A2M: variants seen among roughly 807,000 people sequenced by gnomAD.
The protein encoded by A2M is alpha-2-macroglobulin.
Under a neutral mutation model 183.9 loss-of-function variants are expected in A2M, and 128 were observed. The ratio of observed to expected loss-of-function variants is 0.70; its 90% CI spans 0.60 to 0.81. The LOEUF (loss-of-function observed/expected upper bound fraction) is 0.81. Ranked by LOEUF, A2M falls within the 30% of genes least tolerant of loss-of-function variation. A2M has a pLI of 0.00. For synonymous variants in A2M, 592 were observed against 670.8 expected (o/e 0.88, Z 1.81); for missense variants, 1,495 against 1,787.6 (o/e 0.84, Z 2.95).
Position 9,067,758 on chromosome 12 carries a change from A to G in A2M, c.*65T>C, listed in dbSNP as rs1366277006. Reference sequence around the variant, plus strand: ...TCATCAAGTCTTTAAAGATACAAAAACACGTGTCTTCTGTGGAGCTCTGAG... The same window carrying G: ...TCATCAAGTCTTTAAAGATACAAAAGCACGTGTCTTCTGTGGAGCTCTGAG... On this transcript the variant is annotated 3_prime_UTR_variant, in exon 36 of 36. Coordinates refer to ENST00000318602, the MANE Select transcript of A2M (RefSeq NM_000014.6). 6.7e-7 allele frequency: 1 copy of G among 1,500,628 alleles called. No individual in the cohort carries two copies. The highest frequency in any genetic ancestry group is 1.2e-5 in the South Asian group (1 of 86,586). The allele number at this position is 1,500,628 out of a possible 1,614,324, so 93.0% of individuals were successfully genotyped here.
At chr12:9,068,991 C>A in intron 33 of A2M, 149 bp from the exon 34 acceptor site, 1 of 533,106 alleles carries the variant, frequency 1.9e-6, no homozygotes, top group Non-Finnish European at 3.3e-6. Context: ...AGAAATCTCT[C>A]AGAGGGGATG....
chr12:9,074,505 A>G, intron 29 of A2M, 55 bp downstream of exon 29: 1 of 1,497,622 alleles, frequency 6.7e-7, no homozygotes, highest in Non-Finnish European at 9.1e-7. Flanking sequence ...TTTCTTTTTC[A>G]TTCAAATCTT....
intron 28 of A2M, 79 bp downstream of exon 28, chr12:9,076,677 G>A (rs1410178829): frequency 1.2e-5 from 16 of 1,347,594 alleles, no homozygotes; most frequent in Non-Finnish European, 1.5e-5. Flanking sequence ...GATCACAGGA[G>A]GTAGGAGTGA....
At chr12:9,074,883 A>G (rs1948694419) in intron 28 of A2M, 100 bp from the exon 29 acceptor site, 1 of 1,213,750 alleles carries the variant, frequency 8.2e-7, no homozygotes. Flanking sequence ...TTGCATGCCC[A>G]TTATAATCCC....
In A2M at chr12:9,106,247, A is replaced by T; in HGVS notation, c.1093T>A (p.Phe365Ile). The T allele has an allele frequency of 6.2e-7, 1 of 1,607,618 alleles. No individual in the cohort carries two copies. The highest frequency in any genetic ancestry group is 1.3e-5 in the African/African-American group (1 of 74,888). Residue 365 changes from phenylalanine to isoleucine, a missense_variant, in exon 10 of 36, where the codon TTC becomes ATC. By Grantham distance (21) the Phe-to-Ile change is conservative. Coordinates refer to ENST00000318602, the MANE Select transcript of A2M (RefSeq NM_000014.6). Reference sequence around the variant, plus strand: ...GGAAAATACTCCACCTGCCCAAAGAAGGGAATTCCCTGTCGAAAGTGTGAG... The same window carrying T: ...GGAAAATACTCCACCTGCCCAAAGATGGGAATTCCCTGTCGAAAGTGTGAG... Reference protein sequence around the residue: ...VDSHFRQGIPFFGQVRLVDGK... With the variant: ...VDSHFRQGIPIFGQVRLVDGK...
At chr12:9,110,882 T>C (rs1179961765) in intron 4 of A2M, among the ~76,000 whole-genome samples, 1 of 152,154 alleles carries the variant, frequency 6.6e-6, no homozygotes, top group Non-Finnish European at 1.5e-5. Context: ...CAAATATACA[T>C]GTAAAGTGCC....
At chr12:9,110,423 A>C (rs1170784322) in intron 4 of A2M, 89 bp from the exon 5 acceptor site, 16 of 745,282 alleles carry the variant, frequency 2.1e-5, no homozygotes, top group Admixed American at 3.2e-5. Flanking sequence ...ATTTGCTAGC[A>C]TAACAGGGTG....
At chr12:9,076,043 G>T (rs1419416238) in intron 28 of A2M, among the ~76,000 whole-genome samples, 1 of 152,222 alleles carries the variant, frequency 6.6e-6, no homozygotes, top group East Asian at 1.9e-4. Flanking sequence ...CGCTCATATA[G>T]ACCATGGTAT....
intron 22 of A2M, among the ~76,000 whole-genome samples, chr12:9,085,195 C>T (rs1000174967): frequency 1.3e-5 from 2 of 151,998 alleles, no homozygotes; most frequent in African/African-American, 4.8e-5. Flanking sequence ...TGGATACATA[C>T]AGAACATTTC....
chr12:9,115,536 TTC>T (rs1939053611), intron 1 of A2M: 2 of 429,418 alleles, frequency 4.7e-6, no homozygotes, highest in Non-Finnish European at 8.4e-6. Flanking sequence ...AGCTAAAAAT[TTC>T]TGACACCCCT....
Position 9,072,409 on chromosome 12 carries a change from A to C in A2M, c.4053T>G (p.Thr1351=), listed in dbSNP as rs774871575. ...TGGTGTGGGCTTTGGGTTCATCACA[A>C]GTTTGAGGCAGAGTCTGCACTCCTA... The part of the protein sequence containing the change: ...FALGVQTLPQ[T]CDEPKAHTSF... Residue 1351 remains threonine (T), a synonymous_variant, in exon 31 of 36, where the codon ACT becomes ACG. Coordinates refer to ENST00000318602, the MANE Select transcript of A2M (RefSeq NM_000014.6). 29 of 1,613,772 alleles carry C rather than the reference A, an allele frequency of 1.8e-5. No individual in the cohort carries two copies. The South Asian group carries it at 3.1e-4, about 17-fold the overall frequency.
chr12:9,109,253 A>T, intron 7 of A2M, 68 bp downstream of exon 7: 1 of 1,333,720 alleles, frequency 7.5e-7, no homozygotes, highest in Non-Finnish European at 1.1e-6. Context: ...GAGAGTAGTT[A>T]AAATATCCCA....
chr12:9,081,327 G>A (rs1007369618), intron 22 of A2M, among the ~76,000 whole-genome samples: 11 of 152,020 alleles, frequency 7.2e-5, no homozygotes, highest in African/African-American at 2.4e-4. Context: ...AACTTTGATG[G>A]TAACAGATGA....
chr12:9,098,591 G>T lies in A2M; in HGVS notation c.1851+16C>A. 1.9e-6 allele frequency: 3 copies of T among 1,584,614 alleles called. No homozygotes were observed. Among genetic ancestry groups the T allele is most frequent in the Non-Finnish European group, 2.6e-6 (3 of 1,165,804 alleles). ...GGCACGGCCCTTCTTGATTCCTGAG[G>T]CTGCCAGGAACTCACCGAGGACGCC... is the stretch of plus-strand genomic sequence containing the variant. On this transcript the variant is annotated intron_variant, in intron 15 of 35. Coordinates refer to ENST00000318602, the MANE Select transcript of A2M (RefSeq NM_000014.6).
intron 10 of A2M, among the ~76,000 whole-genome samples, chr12:9,105,554 C>A (rs1464857804): frequency 6.6e-6 from 1 of 152,114 alleles, no homozygotes; most frequent in Admixed American, 6.5e-5. Flanking sequence ...CATTGAGGCA[C>A]ATGTAACTGT....
chr12:9,095,405 G>T, intron 16 of A2M, 134 bp downstream of exon 16: 1 of 818,082 alleles, frequency 1.2e-6, no homozygotes, highest in Non-Finnish European at 1.9e-6. Context: ...GCTGCTATTA[G>T]TAGAGAAGCC....
chr12:9,111,902 G>T, intron 4 of A2M: 1 of 568,918 alleles, frequency 1.8e-6, no homozygotes, highest in Non-Finnish European at 3.4e-6. Context: ...CTTTCTAATT[G>T]TCCTAATTAA....
At chr12:9,112,254 G>T (rs774656045) in intron 3 of A2M, 43 bp from the exon 4 acceptor site, 57 of 1,612,222 alleles carry the variant, frequency 3.5e-5, no homozygotes, top group Non-Finnish European at 3.6e-5. Flanking sequence ...ACCCAAAGTA[G>T]GCCTGTAGGC....
At position 9,068,740 on chromosome 12, in the gene A2M, C is replaced by T; in HGVS notation, c.4366G>A (p.Asp1456Asn). ...CTACGTGAAAATCACTCTCACTCAC[C>T]CGTCTCGTAGTAATCATAGACTTTC... ...IVKVYDYYET[D>N]EFAIAEYNAP... Residue 1456 changes from aspartate to asparagine, a missense_variant and splice_region_variant, in exon 34 of 36, where the codon GAT becomes AAT. Physicochemically the swap from Asp to Asn is conservative, Grantham distance 23 (BLOSUM62 1). Coordinates refer to ENST00000318602, the MANE Select transcript of A2M (RefSeq NM_000014.6). 6.3e-7 allele frequency: 1 copy of T among 1,593,694 alleles called. No individual in the cohort carries two copies. Among genetic ancestry groups the T allele is most frequent in the Non-Finnish European group, 8.6e-7 (1 of 1,167,524 alleles).
Sources: allele counts gnomAD v4.1 joint callset (sites outside exome capture counted in the v4.1 genomes callset), GRCh38; gene constraint gnomAD v4.1.1; transcripts MANE v1.5; gene names NCBI Gene and HGNC (gene_info 2026-07-23, HGNC 2026-07-21).